The following ALOX5AP variants were observed in gnomAD, a reference collection of about 807,000 sequenced individuals.
ALOX5AP encodes arachidonate 5-lipoxygenase activating protein.
Under a neutral mutation model 18.5 loss-of-function variants are expected in ALOX5AP, and 9 were observed. The ratio of observed to expected loss-of-function variants is 0.49; its 90% CI spans 0.29 to 0.85. The LOEUF (loss-of-function observed/expected upper bound fraction) is 0.85, where lower values mean the gene tolerates loss of function less well. ALOX5AP is among the 40% of genes least tolerant of loss of function. ALOX5AP has a pLI of 0.08. For missense variants in ALOX5AP, 172 were observed against 202.5 expected (o/e 0.85, Z 0.91); for synonymous variants, 81 against 78.6 (o/e 1.03, Z -0.16).
upstream of ALOX5AP, among the ~76,000 whole-genome samples, chr13:30,731,172 CA>C (rs1317314907): frequency 2.6e-5 from 4 of 152,252 alleles, no homozygotes; most frequent in East Asian, 7.7e-4. Flanking sequence ...AATCTCTCTT[CA>C]GGGCTGAGGG....
At chr13:30,719,928 C>A (rs1354592697) in intron 1 of ALOX5AP, among the ~76,000 whole-genome samples, 6 of 151,200 alleles carry the variant, frequency 4.0e-5, no homozygotes, top group Admixed American at 4.0e-4. Context: ...GTGGCGTGAT[C>A]TCGGCTCACT....
intron 4 of ALOX5AP, among the ~76,000 whole-genome samples, chr13:30,763,011 A>G (rs1951955428): frequency 6.6e-6 from 1 of 152,174 alleles, no homozygotes; most frequent in African/African-American, 2.4e-5. Context: ...GATAGAGTAT[A>G]TTAAAACATG....
intron 1 of ALOX5AP, among the ~76,000 whole-genome samples, chr13:30,736,426 A>G (rs1022686189): frequency 3.3e-5 from 5 of 151,694 alleles, no homozygotes; most frequent in South Asian, 2.1e-4. Flanking sequence ...CTGTCTTCCT[A>G]AAGTTCTGAG....
chr13:30,721,711 G>T (rs2137788484), intron 1 of ALOX5AP, among the ~76,000 whole-genome samples: 1 of 152,188 alleles, frequency 6.6e-6, no homozygotes, highest in South Asian at 2.1e-4. Context: ...ATCCTCAAGT[G>T]GCTTCTCTTT....
At chr13:30,734,895 C>T (rs891962261), upstream of ALOX5AP, among the ~76,000 whole-genome samples, 8 of 152,128 alleles carry the variant, frequency 5.3e-5, no homozygotes, top group Admixed American at 3.9e-4. Context: ...TGCTACTTAC[C>T]GTGTGTTAAG....
chr13:30,744,349 G>A (rs1046913482), intron 2 of ALOX5AP, 190 bp downstream of exon 2: 1 of 545,440 alleles, frequency 1.8e-6, no homozygotes, highest in African/African-American at 1.9e-5. Flanking sequence ...GAGTGCTAGT[G>A]TCAAAACAAA....
chr13:30,745,581 A>G (rs1016090640), intron 2 of ALOX5AP, among the ~76,000 whole-genome samples: 4 of 152,194 alleles, frequency 2.6e-5, no homozygotes, highest in Non-Finnish European at 5.9e-5. Flanking sequence ...GATTATAGAG[A>G]GGTTTCTATT....
intron 1 of ALOX5AP, among the ~76,000 whole-genome samples, chr13:30,715,843 CCT>C (rs375893038): frequency 6.6e-5 from 10 of 152,032 alleles, no homozygotes; most frequent in African/African-American, 2.4e-4. Flanking sequence ...GCTGTCCTTT[CCT>C]AGCTACCGAA....
chr13:30,720,591 T>A (rs571971269), intron 1 of ALOX5AP, among the ~76,000 whole-genome samples: 2 of 152,340 alleles, frequency 1.3e-5, no homozygotes, highest in Admixed American at 1.3e-4. Flanking sequence ...TTTAGCCACA[T>A]CCTGTGTTAG....
At chr13:30,729,203 T>A (rs1324919057) in intron 1 of ALOX5AP, among the ~76,000 whole-genome samples, 3 of 152,168 alleles carry the variant, frequency 2.0e-5, no homozygotes, top group Non-Finnish European at 2.9e-5. Flanking sequence ...CTAAAAAAAA[T>A]TTGCCTTCTT....
chr13:30,730,091 T>C (rs993484406), intron 1 of ALOX5AP, among the ~76,000 whole-genome samples: 2 of 152,258 alleles, frequency 1.3e-5, no homozygotes, highest in African/African-American at 4.8e-5. Context: ...TTAGCGCAGA[T>C]ATGATCAGCT....
At chr13:30,726,819 C>T (rs573488570) in intron 1 of ALOX5AP, among the ~76,000 whole-genome samples, 1 of 152,120 alleles carries the variant, frequency 6.6e-6, no homozygotes, top group Non-Finnish European at 1.5e-5. Context: ...GCATGCACCA[C>T]CATACCCAGC....
At chr13:30,744,217 C>T (rs1951790645) in intron 2 of ALOX5AP, 58 bp downstream of exon 2, 9 of 1,484,734 alleles carry the variant, frequency 6.1e-6, no homozygotes, top group Non-Finnish European at 8.4e-6. Context: ...GGGCCTCCTT[C>T]TAGGAGTGAT....
intron 1 of ALOX5AP, among the ~76,000 whole-genome samples, chr13:30,741,103 CTTTTTTTTTTTTTTTTTTTTTT>C (rs59980433): frequency 2.5e-4 from 16 of 63,970 alleles, no homozygotes; most frequent in East Asian, 4.7e-4. Context: ...CCTCCATATC[CTTTTTTTTTTTTTTTTTTTTTT>C]TTTTTTTTTT....
chr13:30,730,123 A>T (rs1951669878), intron 1 of ALOX5AP, among the ~76,000 whole-genome samples: 1 of 152,230 alleles, frequency 6.6e-6, no homozygotes, highest in African/African-American at 2.4e-5. Context: ...ATTCTAGAGA[A>T]AGAGGGTCAT....
intron 3 of ALOX5AP, 44 bp from the exon 4 acceptor site, chr13:30,755,900 G>T: frequency 1.3e-6 from 2 of 1,584,578 alleles, no homozygotes; most frequent in South Asian, 2.2e-5. Flanking sequence ...AGCATGTTTT[G>T]GTGGCTACGA....
At chr13:30,717,721 G>A in intron 1 of ALOX5AP, among the ~76,000 whole-genome samples, 1 of 152,216 alleles carries the variant, frequency 6.6e-6, no homozygotes, top group South Asian at 2.1e-4. Flanking sequence ...GTACATGAAT[G>A]AGTTCTCCTT....
chr13:30,752,177 G>T (rs921480610), intron 3 of ALOX5AP, 55 bp downstream of exon 3: 2 of 1,564,954 alleles, frequency 1.3e-6, no homozygotes, highest in Admixed American at 3.3e-5. Flanking sequence ...TCTCAAGGAG[G>T]TTCAAAGGGC....
chr13:30,750,195 C>T (rs1369552433), intron 2 of ALOX5AP, among the ~76,000 whole-genome samples: 1 of 152,156 alleles, frequency 6.6e-6, no homozygotes, highest in East Asian at 1.9e-4. Flanking sequence ...GAACTGCCAC[C>T]TTCGACCATG....
Sources: gnomAD v4.1 joint callset for allele counts (sites outside exome capture counted in the v4.1 genomes callset) on GRCh38, gnomAD v4.1.1 for gene constraint, MANE v1.5 for transcripts, NCBI Gene and HGNC (gene_info 2026-07-23, HGNC 2026-07-21) for gene names.